Variants in USP32 observed in about 807,000 individuals in gnomAD.
USP32 encodes ubiquitin carboxyl-terminal hydrolase 32.
Under a neutral mutation model 204.8 loss-of-function variants are expected in USP32, and 59 were observed. The ratio of observed to expected loss-of-function variants is 0.29; its 90% CI spans 0.23 to 0.36. The LOEUF (loss-of-function observed/expected upper bound fraction) is 0.36. Among genes scored for constraint, USP32 ranks in the 10% least tolerant of loss-of-function variants. USP32 has a pLI of 1.00. For missense variants in USP32, 1,160 were observed against 1,946.4 expected, an observed-to-expected ratio of 0.60 and a Z score of 7.60; for synonymous variants, 517 against 678.4, an observed-to-expected ratio of 0.76 and a Z score of 3.70.
chr17:60,262,531 C>T (rs1057034075), intron 9 of USP32, among the ~76,000 whole-genome samples: 1 of 152,208 alleles, frequency 6.6e-6, no homozygotes, highest in Non-Finnish European at 1.5e-5. Flanking sequence ...TTAAATGTGG[C>T]CCTGATTTTC....
chr17:60,280,417 T>C (rs1203608905), intron 5 of USP32, among the ~76,000 whole-genome samples: 1 of 152,138 alleles, frequency 6.6e-6, no homozygotes, highest in Non-Finnish European at 1.5e-5. Flanking sequence ...AGTTAATTAT[T>C]CTAAGTCTGT....
At chr17:60,271,734 T>A (rs2086728641) in intron 5 of USP32, among the ~76,000 whole-genome samples, 6 of 151,730 alleles carry the variant, frequency 4.0e-5, no homozygotes, top group Admixed American at 3.9e-4. Context: ...GGCTGTTAAA[T>A]CCAACATTTA....
At chr17:60,393,687 CTT>C (rs1218263132), upstream of USP32, among the ~76,000 whole-genome samples, 24 of 141,698 alleles carry the variant, frequency 1.7e-4, no homozygotes, top group Admixed American at 1.4e-4. Flanking sequence ...CTGTGTTTTT[CTT>C]TTTTTTTTTT....
chr17:60,193,619 G>A (rs1240470888), intron 27 of USP32, among the ~76,000 whole-genome samples: 1 of 151,820 alleles, frequency 6.6e-6, no homozygotes, highest in Non-Finnish European at 1.5e-5. Flanking sequence ...GTTGCAGTGA[G>A]CTGAGTTCAA....
At chr17:60,252,494 T>C in intron 10 of USP32, 52 bp from the exon 11 acceptor site, 2 of 1,398,596 alleles carry the variant, frequency 1.4e-6, no homozygotes, top group Non-Finnish European at 2.0e-6. Context: ...ATATTTCACA[T>C]TATCTGCATG....
intron 1 of USP32, among the ~76,000 whole-genome samples, chr17:60,374,984 C>A (rs2089511753): frequency 6.6e-6 from 1 of 152,118 alleles, no homozygotes; most frequent in African/African-American, 2.4e-5. Flanking sequence ...ATACTAAACA[C>A]TAATTTGAAA....
At chr17:60,226,829 C>T (rs540364501) in intron 12 of USP32, among the ~76,000 whole-genome samples, 1 of 150,576 alleles carries the variant, frequency 6.6e-6, no homozygotes, top group African/African-American at 2.5e-5. Flanking sequence ...GAGACCGAGG[C>T]AGATGGATCA....
At chr17:60,181,203 A>G (rs1481734471) in intron 32 of USP32, 121 bp downstream of exon 32, 13 of 1,308,546 alleles carry the variant, frequency 9.9e-6, no homozygotes, top group Non-Finnish European at 3.1e-6. Context: ...AACTTTGTCT[A>G]TCACTAAGCT....
chr17:60,237,122 CTAT>C (rs2085749743), intron 11 of USP32, among the ~76,000 whole-genome samples: 3 of 141,672 alleles, frequency 2.1e-5, no homozygotes, highest in East Asian at 2.0e-4. Context: ...CTCTATCTAT[CTAT>C]CTATCTATCT....
At chr17:60,404,011 G>A (rs2089956677) in intron 1 of USP32, among the ~76,000 whole-genome samples, 1 of 150,018 alleles carries the variant, frequency 6.7e-6, no homozygotes, top group Admixed American at 6.7e-5. Flanking sequence ...CTGCACTCCA[G>A]CCTGGGTGAC....
chr17:60,187,624 A>G (rs1176166151), intron 29 of USP32, among the ~76,000 whole-genome samples: 1 of 152,260 alleles, frequency 6.6e-6, no homozygotes, highest in Non-Finnish European at 1.5e-5. Context: ...CTAGTAAAGA[A>G]TGTTGATTTT....
At position 60,181,584 on chromosome 17, in the gene USP32, T is replaced by C. The variant is rs774823380; in HGVS notation, c.4288A>G (p.Ser1430Gly). ...LSSSKENLDA[S>G]KENGAGQICE... ...ATCTGCCCAGCCCCATTTTCTTTGC[T>C]GGCATCCAAGTTCTCTTTACTACTT... Residue 1430 changes from serine to glycine, a missense_variant, in exon 32 of 34, where the codon AGC becomes GGC. Ser to Gly is a moderately conservative substitution (Grantham distance 56). Transcript: ENST00000300896. 4 of 1,614,022 alleles carry C rather than the reference T, an allele frequency of 2.5e-6. No individual in the cohort carries two copies. In the East Asian group the frequency reaches 8.9e-5, roughly 36 times the overall value.
At chr17:60,245,933 A>G (rs1428675938) in intron 11 of USP32, among the ~76,000 whole-genome samples, 1 of 151,620 alleles carries the variant, frequency 6.6e-6, no homozygotes, top group Admixed American at 6.6e-5. Context: ...TTTGGGGTAC[A>G]TGTGATATTC....
At chr17:60,211,626 G>C in intron 19 of USP32, 112 bp from the exon 20 acceptor site, 1 of 1,453,084 alleles carries the variant, frequency 6.9e-7, no homozygotes, top group Non-Finnish European at 9.1e-7. Context: ...TCAGCTAAAT[G>C]GTGCTAATAA....
intron 9 of USP32, among the ~76,000 whole-genome samples, chr17:60,264,151 G>A (rs2086526055): frequency 6.6e-6 from 1 of 151,966 alleles, no homozygotes; most frequent in African/African-American, 2.4e-5. Context: ...TAAAGTACAT[G>A]TTTATTTTTG....
chr17:60,355,383 TAA>T (rs2089044458), intron 1 of USP32, among the ~76,000 whole-genome samples: 1 of 152,084 alleles, frequency 6.6e-6, no homozygotes, highest in Non-Finnish European at 1.5e-5. Context: ...TTTTAGGATA[TAA>T]AAATTTTCCC....
At chr17:60,187,951 A>C (rs1288908902) in intron 29 of USP32, among the ~76,000 whole-genome samples, 1 of 152,042 alleles carries the variant, frequency 6.6e-6, no homozygotes, top group East Asian at 1.9e-4. Context: ...GTGGCCTAAG[A>C]ATTTGTCTAG....
intron 16 of USP32, among the ~76,000 whole-genome samples, chr17:60,217,987 C>T (rs1307376776): frequency 6.6e-6 from 1 of 151,974 alleles, no homozygotes; most frequent in Non-Finnish European, 1.5e-5. Flanking sequence ...ATCTTCCTCC[C>T]CAGTCTCCCA....
At chr17:60,324,186 G>A (rs934092300) in intron 2 of USP32, among the ~76,000 whole-genome samples, 1 of 152,016 alleles carries the variant, frequency 6.6e-6, no homozygotes. Context: ...GGAGGCTAAA[G>A]CGGGAAGATT....
Sources: gnomAD v4.1 joint callset for allele counts (sites outside exome capture counted in the v4.1 genomes callset) on GRCh38, gnomAD v4.1.1 for gene constraint, MANE v1.5 for transcripts, NCBI Gene and HGNC (gene_info 2026-07-23, HGNC 2026-07-21) for gene names.